The following SCN3A variants were observed in gnomAD, a reference collection of about 807,000 sequenced individuals.
SCN3A encodes the protein sodium channel protein type 3 subunit alpha.
A neutral mutation model predicts 187.6 loss-of-function variants in SCN3A; 60 were observed. The ratio of observed to expected loss-of-function variants is 0.32; its 90% CI spans 0.26 to 0.40. SCN3A has a LOEUF of 0.40. Ranked by LOEUF, SCN3A falls within the 10% of genes least tolerant of loss-of-function variation. The pLI is 1.00. For synonymous variants in SCN3A, 788 were observed against 829.2 expected (o/e 0.95, Z 0.85); for missense variants, 1,601 against 2,428.2 (o/e 0.66, Z 7.16).
intron 21 of SCN3A, among the ~76,000 whole-genome samples, chr2:165,106,216 G>A (rs940049387): frequency 6.6e-6 from 1 of 151,944 alleles, no homozygotes; most frequent in Non-Finnish European, 1.5e-5. Context: ...ATGTGCAGTG[G>A]GGGAGGGGTC....
At chr2:165,155,371 T>TTTCCCTTTCCTTTTCCCA (rs1688954565) in intron 10 of SCN3A, among the ~76,000 whole-genome samples, 1 of 152,020 alleles carries the variant, frequency 6.6e-6, no homozygotes, top group Non-Finnish European at 1.5e-5. Context: ...TCCCTTTCCC[T>TTTCCCTTTCCTTTTCCCA]TTCCCTTTCC....
chr2:165,175,047 A>T (rs1387887249), intron 3 of SCN3A, among the ~76,000 whole-genome samples: 2 of 152,166 alleles, frequency 1.3e-5, no homozygotes, highest in African/African-American at 4.8e-5. Flanking sequence ...ATGGATGTGC[A>T]AGTTTGAGAA....
chr2:165,101,192 A>G (rs1685587347), intron 21 of SCN3A, among the ~76,000 whole-genome samples: 1 of 152,198 alleles, frequency 6.6e-6, no homozygotes, highest in South Asian at 2.1e-4. Context: ...TCGATTAGAG[A>G]TGCTCAACTG....
chr2:165,152,642 C>A (rs536942233), intron 11 of SCN3A, among the ~76,000 whole-genome samples: 19 of 152,100 alleles, frequency 1.2e-4, no homozygotes, highest in Non-Finnish European at 1.9e-4. Context: ...CCTGAGGAAT[C>A]GCCACACTGT....
intron 2 of SCN3A, among the ~76,000 whole-genome samples, chr2:165,179,116 G>A (rs78341521): frequency 0.015 from 2,304 of 152,034 alleles, 55 homozygotes; most frequent in African/African-American, 0.052. Flanking sequence ...TATGAAACAC[G>A]GTCGCTTTCT....
At chr2:165,201,746 C>T (rs943210132) in intron 1 of SCN3A, among the ~76,000 whole-genome samples, 2 of 152,004 alleles carry the variant, frequency 1.3e-5, no homozygotes, top group African/African-American at 2.4e-5. Context: ...GGCCAAGAAA[C>T]GCCCCTATTT....
chr2:165,091,224 C>T lies in SCN3A; in HGVS notation c.4929G>A (p.Thr1643=), dbSNP rs368577227. 9 of 1,614,110 alleles carry T rather than the reference C, an allele frequency of 5.6e-6. No individual in the cohort carries two copies. Among genetic ancestry groups the T allele is most frequent in the Non-Finnish European group, 7.6e-6 (9 of 1,180,004 alleles). The part of the protein sequence containing the change: ...RLIKGAKGIR[T]LLFALMMSLP... ...GGGACATCATCAAAGCAAAGAGCAG[C>T]GTGCGGATCCCCTTTGCTCCTTTGA... Residue 1643 remains threonine (T), a synonymous_variant, in exon 28 of 28, where the codon ACG becomes ACA. Coordinates refer to ENST00000283254, the MANE Select transcript of SCN3A (RefSeq NM_006922.4).
intron 2 of SCN3A, among the ~76,000 whole-genome samples, chr2:165,181,748 GA>G (rs1467365750): frequency 6.6e-6 from 1 of 152,022 alleles, no homozygotes; most frequent in African/African-American, 2.4e-5. Context: ...GGTGTTCCAT[GA>G]AAAAAAGAAA....
In SCN3A at chr2:165,095,655, G is replaced by C. The variant is rs776696502; in HGVS notation, c.4294-7C>G. On this transcript the variant is annotated splice_region_variant and splice_polypyrimidine_tract_variant and intron_variant, in intron 24 of 27. Transcript: ENST00000283254. Reference sequence around the variant, plus strand: ...ATACAGGCTGAAGTTTAACCTAAATGATATTGAAAATATTAAATAATATGA... The same window carrying C: ...ATACAGGCTGAAGTTTAACCTAAATCATATTGAAAATATTAAATAATATGA... 6 of 1,306,432 alleles carry C rather than the reference G, an allele frequency of 4.6e-6. No individual in the cohort carries two copies. Among genetic ancestry groups the C allele is most frequent in the Non-Finnish European group, 6.6e-6 (6 of 905,748 alleles). 80.9% of individuals were successfully genotyped at this position (1,306,432 alleles called of 1,614,324 possible).
Position 165,087,966 on chromosome 2 carries a change from T to G in SCN3A, c.*2184A>C, listed in dbSNP as rs1445007318. ...AAAGTTCACAAAGCTGCTTTTAATT[T>G]GCCTTTGTTCTGTAGTACTGCTTGG... is the stretch of plus-strand genomic sequence containing the variant. On this transcript the variant is annotated 3_prime_UTR_variant, in exon 28 of 28. Transcript: ENST00000283254. The G allele has an allele frequency of 6.6e-6, 1 of 152,190 alleles. No individual in the cohort carries two copies. The highest frequency in any genetic ancestry group is 2.4e-5 in the African/African-American group (1 of 41,460). The allele number at this position is 152,190 out of a possible 1,614,324, so 9.4% of individuals were successfully genotyped here.
At chr2:165,145,198 A>G (rs944477894) in intron 12 of SCN3A, among the ~76,000 whole-genome samples, 2 of 152,124 alleles carry the variant, frequency 1.3e-5, no homozygotes, top group Non-Finnish European at 2.9e-5. Context: ...GAGTTGAGAT[A>G]TGAACACAAA....
chr2:165,105,881 A>T (rs1685830528), intron 21 of SCN3A, among the ~76,000 whole-genome samples: 1 of 152,092 alleles, frequency 6.6e-6, no homozygotes, highest in Non-Finnish European at 1.5e-5. Flanking sequence ...AAAAAAAAGG[A>T]TAATTTATTT....
intron 17 of SCN3A, 86 bp from the exon 18 acceptor site, chr2:165,128,187 C>T (rs922600352): frequency 1.9e-6 from 2 of 1,053,806 alleles, no homozygotes; most frequent in African/African-American, 3.2e-5. Context: ...TAGATCTTTG[C>T]TAAAATTATT....
chr2:165,122,246 T>TC (rs1339541089), intron 18 of SCN3A, among the ~76,000 whole-genome samples: 19 of 149,132 alleles, frequency 1.3e-4, no homozygotes, highest in African/African-American at 3.7e-4. Flanking sequence ...TTTCTTTTTT[T>TC]TTTTTTTTAC....
intron 5 of SCN3A, among the ~76,000 whole-genome samples, chr2:165,164,838 G>A (rs1429003084): frequency 2.6e-5 from 4 of 152,066 alleles, no homozygotes; most frequent in Non-Finnish European, 4.4e-5. Context: ...AAATGTAATG[G>A]AAGCCACAAA....
chr2:165,095,469 G>T, intron 25 of SCN3A, 42 bp downstream of exon 25: 1 of 1,595,220 alleles, frequency 6.3e-7, no homozygotes, highest in South Asian at 1.1e-5. Context: ...TTAACAGACA[G>T]AACCCCAGAA....
At chr2:165,152,524 A>G (rs913537387) in intron 11 of SCN3A, among the ~76,000 whole-genome samples, 2 of 152,214 alleles carry the variant, frequency 1.3e-5, no homozygotes, top group East Asian at 3.8e-4. Flanking sequence ...ATAGTGCCGC[A>G]ATAAACATAC....
At chr2:165,147,130 A>G (rs1337019772) in intron 11 of SCN3A, 101 bp from the exon 12 acceptor site, 7 of 1,339,926 alleles carry the variant, frequency 5.2e-6, no homozygotes, top group Non-Finnish European at 7.3e-6. Context: ...ACTACAAGTG[A>G]AAAGTCTATC....
At chr2:165,091,850 C>A in intron 27 of SCN3A, 1 of 299,548 alleles carries the variant, frequency 3.3e-6, no homozygotes, top group South Asian at 3.6e-5. Flanking sequence ...GATGCATCAC[C>A]TTTATCTCTG....
Sources: gnomAD v4.1 joint callset for allele counts (sites outside exome capture counted in the v4.1 genomes callset) on GRCh38, gnomAD v4.1.1 for gene constraint, MANE v1.5 for transcripts, NCBI Gene and HGNC (gene_info 2026-07-23, HGNC 2026-07-21) for gene names.